Variants in NMUR2 observed in about 807,000 individuals in gnomAD.
The protein encoded by NMUR2 is neuromedin U receptor 2.
NMUR2 carries 24 observed loss-of-function variants against 25.1 expected under a neutral mutation model. That is an observed-to-expected ratio of 0.96 (90% confidence interval 0.69 to 1.34). The LOEUF is 1.34. Among genes scored for constraint, NMUR2 ranks in the 40% most tolerant of loss-of-function variants. The pLI, the probability that NMUR2 is intolerant of heterozygous loss-of-function variation, is 0.00. For synonymous variants in NMUR2, 218 were observed against 208.1 expected (o/e 1.05, Z -0.41); for missense variants, 533 against 512.8 (o/e 1.04, Z -0.38).
At chr5:152,404,339 T>A in intron 1 of NMUR2, 49 bp downstream of exon 1, 1 of 1,534,510 alleles carries the variant, frequency 6.5e-7, no homozygotes. Context: ...TTTGAGCCTG[T>A]GAAAAAAGAA....
At position 152,404,607 on chromosome 5, in the gene NMUR2, G is replaced by C; in HGVS notation, c.507C>G (p.Ile169Met). The C allele has an allele frequency of 6.2e-7, 1 of 1,614,100 alleles. No individual in the cohort carries two copies. Among genetic ancestry groups the C allele is most frequent in the Non-Finnish European group, 8.5e-7 (1 of 1,180,010 alleles). ...AGAAGAGCACGGAGAAGCCCCAGAC[G>C]ATGCCGAGGATCCTGAGGGCCCGGC... ...TRRRALRILG[I>M]VWGFSVLFSL... Residue 169 changes from isoleucine to methionine, a missense_variant, in exon 1 of 4, where the codon ATC becomes ATG. Transcript: ENST00000255262.
intron 3 of NMUR2, 77 bp from the exon 4 acceptor site, chr5:152,392,578 T>C: frequency 8.7e-7 from 1 of 1,143,966 alleles, no homozygotes; most frequent in Non-Finnish European, 1.3e-6. Context: ...CATAAATATT[T>C]ACAAAGGCCT....
chr5:152,392,572 A>T, intron 3 of NMUR2, 71 bp from the exon 4 acceptor site: 1 of 1,231,434 alleles, frequency 8.1e-7, no homozygotes, highest in Non-Finnish European at 1.2e-6. Context: ...AAGAAGCATA[A>T]ATATTTACAA....
Position 152,392,277 on chromosome 5 carries a change from T to C in NMUR2, c.1162A>G (p.Met388Val), listed in dbSNP as rs4958531. 0.18 allele frequency: 290,083 copies of C among 1,613,544 alleles called. 28,634 individuals carry two copies. Among genetic ancestry groups the C allele is most frequent in the Admixed American group, 0.31 (18,800 of 59,958 alleles). ...GCTGCTGGGAGGTGAGAGTTGTGCA[T>C]GGATGACTGACATGGGAATTGGGGA... is the stretch of plus-strand genomic sequence containing the variant. ...IGPQFPCQSS[M>V]HNSHLPAALS... Residue 388 changes from methionine to valine, a missense_variant, in exon 4 of 4, where the codon ATG (methionine) becomes GTG (valine). Met to Val is a conservative substitution (Grantham distance 21). Transcript: ENST00000255262.
chr5:152,402,439 C>G (rs1324733859), intron 1 of NMUR2, among the ~76,000 whole-genome samples: 1 of 152,132 alleles, frequency 6.6e-6, no homozygotes, highest in Non-Finnish European at 1.5e-5. Context: ...TGGATAACAG[C>G]TCATCCTTCC....
In NMUR2 at chr5:152,404,968, G is replaced by C; in HGVS notation, c.146C>G (p.Ser49Cys). ...CACAAAAATTGGCACATACACCACA[G>C]ACACGGGGAGGAAGAAGTGGCTGCG... ...PRRSHFFLPV[S>C]VVYVPIFVVG... Residue 49 changes from serine to cysteine, a missense_variant, in exon 1 of 4, where the codon TCT becomes TGT. By Grantham distance (112) the Ser-to-Cys change is moderately radical. Coordinates refer to ENST00000255262, the MANE Select transcript of NMUR2 (RefSeq NM_020167.5). The C allele has an allele frequency of 6.2e-7, 1 of 1,614,028 alleles. No homozygotes were observed.
In NMUR2 at chr5:152,392,092, A is replaced by T; in HGVS notation, c.*99T>A. On this transcript the variant is annotated 3_prime_UTR_variant, in exon 4 of 4. Coordinates refer to ENST00000255262, the MANE Select transcript of NMUR2 (RefSeq NM_020167.5). ...TAGCAATGGGTACATGAGTTGTAAG[A>T]GCCATTCTACCTCTCTAATATCATA... 3 of 1,005,552 alleles carry T rather than the reference A, an allele frequency of 3.0e-6. No homozygotes were observed. Among genetic ancestry groups the T allele is most frequent in the Non-Finnish European group, 4.5e-6 (3 of 672,064 alleles). The allele number at this position is 1,005,552 out of a possible 1,614,324, so 62.3% of individuals were successfully genotyped here. A position where few individuals can be genotyped will look rare whatever the true frequency, so the allele number is the denominator to read the frequency against.
At position 152,405,015 on chromosome 5, in the gene NMUR2, C is replaced by T. The variant is rs770371151; in HGVS notation, c.99G>A (p.Leu33=). Residue 33 remains leucine (L), a synonymous_variant, in exon 1 of 4, where the codon CTG becomes CTA. Coordinates refer to ENST00000255262, the MANE Select transcript of NMUR2 (RefSeq NM_020167.5). ...QKHLNSTEEY[L]AFLCGPRRSH... is the part of the protein sequence containing the mutation. ...TGCGCCGAGGTCCGCAGAGGAAGGC[C>T]AGATACTCCTCGGTGCTGTTCAGGT... 1.2e-6 allele frequency: 2 copies of T among 1,613,890 alleles called. No individual in the cohort carries two copies. The highest frequency in any genetic ancestry group is 4.5e-5 in the East Asian group (2 of 44,858).
chr5:152,404,956 A>G lies in NMUR2; in HGVS notation c.158T>C (p.Val53Ala), dbSNP rs1343454217. 2 of 1,614,054 alleles carry G rather than the reference A, an allele frequency of 1.2e-6. No homozygotes were observed. The highest frequency in any genetic ancestry group is 4.5e-5 in the East Asian group (2 of 44,836). ...HFFLPVSVVY[V>A]PIFVVGVIGN... ...AATGACCCCCACCACAAAAATTGGCACATACACCACAGACACGGGGAGGAA... is the reference window on the plus strand; with the variant it reads ...AATGACCCCCACCACAAAAATTGGCGCATACACCACAGACACGGGGAGGAA... The change falls in exon 1 of 4, where the codon GTG (valine) becomes GCG (alanine). Residue 53 changes from valine (V) to alanine (A), a missense_variant. Coordinates refer to ENST00000255262, the MANE Select transcript of NMUR2 (RefSeq NM_020167.5).
chr5:152,392,057 A>C lies in NMUR2; in HGVS notation c.*134T>G. On this transcript the variant is annotated 3_prime_UTR_variant, in exon 4 of 4. Coordinates refer to ENST00000255262, the MANE Select transcript of NMUR2 (RefSeq NM_020167.5). The stretch of plus-strand genomic sequence containing the variant: ...CTCTCAGTTTTCACGTTTATTAAAA[A>C]AAAAAAAACTAGCAATGGGTACATG... The C allele has an allele frequency of 1.3e-6, 1 of 766,856 alleles. No individual in the cohort carries two copies. The highest frequency in any genetic ancestry group is 2.1e-6 in the Non-Finnish European group (1 of 486,570). 47.5% of individuals were successfully genotyped at this position (766,856 alleles called of 1,614,324 possible).
intron 2 of NMUR2, among the ~76,000 whole-genome samples, 179 bp from the exon 3 acceptor site, chr5:152,395,763 A>G (rs1323586547): frequency 6.6e-6 from 1 of 151,086 alleles, no homozygotes; most frequent in Non-Finnish European, 1.5e-5. Context: ...TTAAAACACA[A>G]GAATGAATTG....
rs753673023 is a variant in NMUR2 at position 152,404,515 on chromosome 5, C to T, written c.599G>A (p.Gly200Asp). The T allele has an allele frequency of 6.2e-7, 1 of 1,614,106 alleles. No homozygotes were observed. Among genetic ancestry groups the T allele is most frequent in the South Asian group, 1.1e-5 (1 of 91,068 alleles). ...HYFPNGSLVP[G>D]SATCTVIKPM... ...CTTGATGACCGTACAGGTGGCCGAACCTGGGACCAGGGACCCATTGGGGAA... is the reference window on the plus strand; with the variant it reads ...CTTGATGACCGTACAGGTGGCCGAATCTGGGACCAGGGACCCATTGGGGAA... The change falls in exon 1 of 4, where the codon GGT becomes GAT. Residue 200 changes from glycine to aspartate, a missense_variant. Gly to Asp is a moderately conservative substitution (Grantham distance 94). Transcript: ENST00000255262.
At chr5:152,396,072 G>GGTGT (rs1156710874) in intron 2 of NMUR2, among the ~76,000 whole-genome samples, 3 of 151,800 alleles carry the variant, frequency 2.0e-5, no homozygotes, top group Admixed American at 2.0e-4. Context: ...GATTGGAAGG[G>GGTGT]GTGTGTCTGT....
chr5:152,397,896 T>C (rs72791443), intron 2 of NMUR2, among the ~76,000 whole-genome samples, 164 bp downstream of exon 2: 20,363 of 152,100 alleles, frequency 0.13, 1,772 homozygotes, highest in Non-Finnish European at 0.19. Context: ...GGAGGTGTCT[T>C]CATTATATAT....
In NMUR2 at chr5:152,404,563, A is replaced by T; in HGVS notation, c.551T>A (p.Ile184Asn). Residue 184 changes from isoleucine to asparagine, a missense_variant, in exon 1 of 4, where the codon ATC becomes AAC. Transcript: ENST00000255262. ...GAAGTAGTGGAACTTGATGCCATGG[A>T]TGCTGGTGTTGGGCAGGGAGAAGAG... ...SVLFSLPNTS[I>N]HGIKFHYFPN... The T allele has an allele frequency of 6.2e-7, 1 of 1,614,080 alleles. No individual in the cohort carries two copies. The highest frequency in any genetic ancestry group is 8.5e-7 in the Non-Finnish European group (1 of 1,180,006).
In NMUR2 at chr5:152,404,307, A is replaced by T; in HGVS notation, c.726+81T>A. ...TTCCCTTCCATTTCTGAATTTCCCC[A>T]ATTCTAAGTTTTTCTCTGAACTTTG... On this transcript the variant is annotated intron_variant, in intron 1 of 3. Transcript: ENST00000255262. The T allele has an allele frequency of 8.1e-6, 12 of 1,482,662 alleles. No individual in the cohort carries two copies. The South Asian group carries it at 1.5e-4, about 19-fold the overall frequency. The allele number at this position is 1,482,662 out of a possible 1,614,324, so 91.8% of individuals were successfully genotyped here. A position where few individuals can be genotyped will look rare whatever the true frequency, so the allele number is the denominator to read the frequency against.
chr5:152,404,379 G>A lies in NMUR2; in HGVS notation c.726+9C>T. On this transcript the variant is annotated intron_variant, in intron 1 of 3. Coordinates refer to ENST00000255262, the MANE Select transcript of NMUR2 (RefSeq NM_020167.5). ...TGCTGCCTCAGGCCACCCCAGCCTA[G>A]ATACTCACTCTGAGTGCCATGAGGT... The A allele has an allele frequency of 1.9e-6, 3 of 1,600,886 alleles. No individual in the cohort carries two copies. The highest frequency in any genetic ancestry group is 2.6e-6 in the Non-Finnish European group (3 of 1,171,260).
At chr5:152,397,643 T>A (rs1753182991) in intron 2 of NMUR2, among the ~76,000 whole-genome samples, 1 of 151,858 alleles carries the variant, frequency 6.6e-6, no homozygotes, top group Non-Finnish European at 1.5e-5. Flanking sequence ...CATCATATTT[T>A]AAAAGAAATC....
chr5:152,401,129 G>A (rs569850480), intron 1 of NMUR2, among the ~76,000 whole-genome samples: 43 of 152,240 alleles, frequency 2.8e-4, no homozygotes, highest in African/African-American at 9.9e-4. Context: ...CTGCTTTATC[G>A]TTGAATAATT....
Sources: allele counts gnomAD v4.1 joint callset (sites outside exome capture counted in the v4.1 genomes callset), GRCh38; gene constraint gnomAD v4.1.1; transcripts MANE v1.5; gene names NCBI Gene and HGNC (gene_info 2026-07-23, HGNC 2026-07-21).